The following ZNF556 variants were observed in gnomAD, a reference collection of about 807,000 sequenced individuals.
ZNF556 encodes the protein zinc finger protein 556.
ZNF556 carries 11 observed loss-of-function variants against 13.6 expected under a neutral mutation model. The ratio of observed to expected loss-of-function variants is 0.81; its 90% CI spans 0.51 to 1.33. ZNF556 has a LOEUF of 1.33. Ranked by LOEUF, ZNF556 falls within the 40% of genes most tolerant of loss-of-function variation. The pLI is 0.00. For missense variants in ZNF556, 633 were observed against 566.2 expected, an observed-to-expected ratio of 1.12 and a Z score of -1.20; for synonymous variants, 229 against 207.8, an observed-to-expected ratio of 1.10 and a Z score of -0.88.
Position 2,880,001 on chromosome 19 carries a change from G to A in ZNF556, c.*1672G>A, listed in dbSNP as rs1486399721. 1 of 151,992 alleles carries A rather than the reference G, an allele frequency of 6.6e-6. No individual in the cohort carries two copies. The highest frequency in any genetic ancestry group is 2.4e-5 in the African/African-American group (1 of 41,396). The allele number at this position is 151,992 out of a possible 1,614,324, so 9.4% of individuals were successfully genotyped here. ...GCTGGAATCGTGCCACTGTACTCCA[G>A]CCTGGGCGAAAGAGCGAGACTCTGT... On this transcript the variant is annotated 3_prime_UTR_variant, in exon 4 of 4. Coordinates refer to ENST00000307635, the MANE Select transcript of ZNF556 (RefSeq NM_024967.3).
At chr19:2,868,780 G>A (rs1447894729) in intron 1 of ZNF556, among the ~76,000 whole-genome samples, 11 of 150,406 alleles carry the variant, frequency 7.3e-5, no homozygotes, top group African/African-American at 1.2e-4. Context: ...GTGCAATGGC[G>A]CGATCTCTGC....
At chr19:2,874,564 G>A (rs1266422737) in intron 2 of ZNF556, among the ~76,000 whole-genome samples, 2 of 151,804 alleles carry the variant, frequency 1.3e-5, no homozygotes, top group Non-Finnish European at 2.9e-5. Flanking sequence ...CTAACATAGT[G>A]AAACCCTGTC....
chr19:2,877,178 C>A, intron 3 of ZNF556, 95 bp from the exon 4 acceptor site: 1 of 1,080,464 alleles, frequency 9.3e-7, no homozygotes, highest in Non-Finnish European at 1.3e-6. Flanking sequence ...CCACTGCACT[C>A]CAGCCTGGGG....
At chr19:2,872,300 C>T (rs1230703975) in intron 1 of ZNF556, among the ~76,000 whole-genome samples, 4 of 151,380 alleles carry the variant, frequency 2.6e-5, no homozygotes, top group Non-Finnish European at 4.4e-5. Flanking sequence ...ACTTACGCTA[C>T]CGCTAGACCA....
Position 2,877,464 on chromosome 19 carries a change from A to C in ZNF556, c.506A>C (p.His169Pro). The C allele has an allele frequency of 1.2e-6, 2 of 1,614,118 alleles. No homozygotes were observed. The highest frequency in any genetic ancestry group is 4.5e-5 in the East Asian group (2 of 44,872). ...TCCCTGATAAGGCACAAAAGAGCTC[A>C]CTCTGGACAAAAATTATATAAATGT... Reference protein sequence around the residue: ...SSSLIRHKRAHSGQKLYKCKE... With the variant: ...SSSLIRHKRAPSGQKLYKCKE... Residue 169 changes from histidine to proline, a missense_variant, in exon 4 of 4, where the codon CAC becomes CCC. His to Pro is a moderately conservative substitution (Grantham distance 77). Transcript: ENST00000307635.
chr19:2,876,338 C>A (rs937887555), intron 3 of ZNF556, 62 bp downstream of exon 3: 1 of 1,461,776 alleles, frequency 6.8e-7, no homozygotes, highest in African/African-American at 2.0e-5. Context: ...GCCTGTAATC[C>A]CAGCACTTCG....
chr19:2,867,658 T>C (rs2087767216), intron 1 of ZNF556, among the ~76,000 whole-genome samples: 1 of 135,946 alleles, frequency 7.4e-6, no homozygotes, highest in Admixed American at 8.7e-5. Context: ...CAGAAATGAC[T>C]CCTGCCCTGT....
chr19:2,874,680 G>T (rs1191760407), intron 2 of ZNF556, among the ~76,000 whole-genome samples: 4 of 148,516 alleles, frequency 2.7e-5, no homozygotes, highest in African/African-American at 9.9e-5. Flanking sequence ...GGAGGCAGTG[G>T]CTGCAGTGAG....
chr19:2,867,461 CCTG>C (rs2087765350), intron 1 of ZNF556, 37 bp downstream of exon 1: 1 of 1,575,378 alleles, frequency 6.3e-7, no homozygotes, highest in Admixed American at 1.9e-5. Flanking sequence ...GAGCCGGAGC[CCTG>C]GGAGGGGAGG....
chr19:2,877,702 A>G lies in ZNF556; in HGVS notation c.744A>G (p.Ala248=), dbSNP rs185185822. 2 of 1,614,096 alleles carry G rather than the reference A, an allele frequency of 1.2e-6. No individual in the cohort carries two copies. Among genetic ancestry groups the G allele is most frequent in the Middle Eastern group, 1.6e-4 (1 of 6,062 alleles). ...TCAGTTGTCCCAAATCCTTTCGCGCACATGTGATGATGCACGCCGGAGGGA... is the reference window on the plus strand; with the variant it reads ...TCAGTTGTCCCAAATCCTTTCGCGCGCATGTGATGATGCACGCCGGAGGGA... ...KGFSCPKSFR[A]HVMMHAGGRP... is the part of the protein sequence containing the mutation. Residue 248 remains alanine (A), a synonymous_variant, in exon 4 of 4, where the codon GCA becomes GCG. Transcript: ENST00000307635.
intron 2 of ZNF556, 112 bp from the exon 3 acceptor site, chr19:2,875,981 T>C: frequency 1.0e-6 from 1 of 957,848 alleles, no homozygotes; most frequent in Non-Finnish European, 1.5e-6. Context: ...AATAAATAAA[T>C]AGATAAATAA....
rs201912986 is a variant in ZNF556, at chr19:2,874,262, ATAAAT to A, written c.130+641_130+645del. Among the ~76,000 whole-genome samples the A allele has an allele frequency of 9.1e-3, 1,387 of 152,174 alleles. 26 individuals are homozygous for A. The highest frequency in any genetic ancestry group is 0.032 in the African/African-American group (1,323 of 41,516). On this transcript the variant is annotated intron_variant, in intron 2 of 3. Coordinates refer to ENST00000307635, the MANE Select transcript of ZNF556 (RefSeq NM_024967.3). Reference sequence around the variant, plus strand: ...ATAGAGTGAGACTCCGTCTCAAAAAATAAATAAATAAATAAATAAATATTTCTTGC... The same window carrying A: ...ATAGAGTGAGACTCCGTCTCAAAAAAAAATAAATAAATAAATATTTCTTGC...
In ZNF556 at chr19:2,881,176, T is replaced by C. The variant is rs2087902328; in HGVS notation, c.*2847T>C. On this transcript the variant is annotated 3_prime_UTR_variant, in exon 4 of 4. Coordinates refer to ENST00000307635, the MANE Select transcript of ZNF556 (RefSeq NM_024967.3). ...CCACCGCGCCCAGCCTAATAAATTC[T>C]TGTTTATTCATAATGACAAAAACTT... 6.6e-6 allele frequency: 1 copy of C among 152,160 alleles called. No individual in the cohort carries two copies. The highest frequency in any genetic ancestry group is 1.5e-5 in the Non-Finnish European group (1 of 68,038). 9.4% of individuals were successfully genotyped at this position (152,160 alleles called of 1,614,324 possible).
intron 1 of ZNF556, among the ~76,000 whole-genome samples, chr19:2,871,034 A>G (rs1208124048): frequency 1.4e-5 from 2 of 141,200 alleles, no homozygotes; most frequent in Middle Eastern, 3.4e-3. Context: ...GCGAGACTCT[A>G]TCTCAAAAAA....
At chr19:2,871,143 G>A (rs537624038) in intron 1 of ZNF556, among the ~76,000 whole-genome samples, 4 of 150,912 alleles carry the variant, frequency 2.7e-5, no homozygotes, top group South Asian at 2.1e-4. Context: ...CAGCCTGGGC[G>A]ACAGAGTGAG....
At chr19:2,873,948 C>A (rs1214646873) in intron 2 of ZNF556, among the ~76,000 whole-genome samples, 2 of 152,004 alleles carry the variant, frequency 1.3e-5, no homozygotes, top group Admixed American at 6.6e-5. Context: ...CAACTTGAGA[C>A]CCTGTCTCAA....
In ZNF556 at chr19:2,877,255, T is replaced by C. The variant is rs781199823; in HGVS notation, c.315-18T>C. 11 of 1,574,004 alleles carry C rather than the reference T, an allele frequency of 7.0e-6. No individual in the cohort carries two copies. In the African/African-American group the frequency reaches 8.2e-5, roughly 12 times the overall value. On this transcript the variant is annotated intron_variant, in intron 3 of 3. Coordinates refer to ENST00000307635, the MANE Select transcript of ZNF556 (RefSeq NM_024967.3). ...TTATTAAGGCATAAACCATTAATAA[T>C]GTGCTACCCATTTTTAGCAGAAATC...
rs561489177 is a variant in ZNF556, at chr19:2,882,501, G to A, written c.*4172G>A. ...GCAAATATTAAAAATTTTAGGGCAT[G>A]ATGTATACATTTTATATATATATAT... is the stretch of plus-strand genomic sequence containing the variant. On this transcript the variant is annotated 3_prime_UTR_variant, in exon 4 of 4. Transcript: ENST00000307635. 1 of 147,844 alleles carries A rather than the reference G, an allele frequency of 6.8e-6. No individual in the cohort carries two copies. The highest frequency in any genetic ancestry group is 2.1e-4 in the South Asian group (1 of 4,716). 9.2% of individuals were successfully genotyped at this position (147,844 alleles called of 1,614,324 possible).
At position 2,878,226 on chromosome 19, in the gene ZNF556, A is replaced by G. The variant is rs758863738; in HGVS notation, c.1268A>G (p.Lys423Arg). ...SKNVRTQIGQ[K>R]PSKCEKCGKA... ...AATGTAAGAACGCAGATTGGACAGAAGCCCAGTAAATGCGAAAAATGTGGG... is the reference window on the plus strand; with the variant it reads ...AATGTAAGAACGCAGATTGGACAGAGGCCCAGTAAATGCGAAAAATGTGGG... Residue 423 changes from lysine (K) to arginine (R), a missense_variant, in exon 4 of 4, where the codon AAG becomes AGG. Coordinates refer to ENST00000307635, the MANE Select transcript of ZNF556 (RefSeq NM_024967.3). 1.9e-6 allele frequency: 3 copies of G among 1,614,208 alleles called. No homozygotes were observed. The highest frequency in any genetic ancestry group is 3.3e-4 in the Middle Eastern group (2 of 6,062).
Sources: allele counts gnomAD v4.1 joint callset (sites outside exome capture counted in the v4.1 genomes callset), GRCh38; gene constraint gnomAD v4.1.1; transcripts MANE v1.5; gene names NCBI Gene and HGNC (gene_info 2026-07-23, HGNC 2026-07-21).